CNTN2: variants seen among roughly 807,000 people sequenced by gnomAD.
The protein encoded by CNTN2 is contactin-2.
CNTN2 carries 53 observed loss-of-function variants against 117.5 expected under a neutral mutation model. The observed-to-expected ratio is 0.45, with a 90% CI of 0.36 to 0.57. The LOEUF (loss-of-function observed/expected upper bound fraction) is 0.57, where lower values mean the gene tolerates loss of function less well. Ranked by LOEUF, CNTN2 falls within the 20% of genes least tolerant of loss-of-function variation. The pLI, the probability that CNTN2 is intolerant of heterozygous loss-of-function variation, is 0.00. For synonymous variants in CNTN2, 530 were observed against 561.7 expected (o/e 0.94, Z 0.80); for missense variants, 1,106 against 1,404.3 (o/e 0.79, Z 3.39).
Position 205,069,858 on chromosome 1 carries a change from G to A in CNTN2, c.2228G>A (p.Gly743Asp), listed in dbSNP as rs746291684. The A allele has an allele frequency of 6.2e-7, 1 of 1,613,772 alleles. No individual in the cohort carries two copies. The highest frequency in any genetic ancestry group is 2.2e-5 in the East Asian group (1 of 44,868). ...PMSREYQNGD[G>D]FGYLLSFRRQ... Reference sequence around the variant, plus strand: ...TCACGGGAGTACCAGAACGGAGACGGCTTCGGCTACCTGCTGTCCTTCCGC... The same window carrying A: ...TCACGGGAGTACCAGAACGGAGACGACTTCGGCTACCTGCTGTCCTTCCGC... The change falls in exon 18 of 23, where the codon GGC becomes GAC. Residue 743 changes from glycine to aspartate, a missense_variant. Gly to Asp is a moderately conservative substitution (Grantham distance 94). Transcript: ENST00000331830.
At chr1:205,062,298 C>G in intron 9 of CNTN2, 142 bp from the exon 10 acceptor site, 1 of 1,213,760 alleles carries the variant, frequency 8.2e-7, no homozygotes, top group Non-Finnish European at 1.1e-6. Context: ...TTCCAGGCAG[C>G]CCTGAGGTAG....
At chr1:205,072,204 C>A in intron 20 of CNTN2, 71 bp downstream of exon 20, 1 of 1,418,576 alleles carries the variant, frequency 7.0e-7, no homozygotes, top group Non-Finnish European at 9.6e-7. Context: ...ATCATTCCTT[C>A]CCCAATGATA....
intron 1 of CNTN2, among the ~76,000 whole-genome samples, chr1:205,044,293 G>C (rs771945643): frequency 1.3e-5 from 2 of 152,170 alleles, no homozygotes; most frequent in Non-Finnish European, 2.9e-5. Flanking sequence ...GCCAGTGAGT[G>C]TCCAGAGCTG....
chr1:205,058,884 G>T lies in CNTN2; in HGVS notation c.488-200G>T. On this transcript the variant is annotated intron_variant, in intron 5 of 22. Coordinates refer to ENST00000331830, the MANE Select transcript of CNTN2 (RefSeq NM_005076.5). This position sits in a 1 kb window ranked among gnomAD's most constrained non-coding sequence, Gnocchi z 4.3. ...TCAAACTGGGTGGCCCCTGAGGGCT[G>T]CGATCCCTGGCAGACTTAGCGCTCC... is the stretch of plus-strand genomic sequence containing the variant. 1.5e-6 allele frequency: 1 copy of T among 674,276 alleles called. No individual in the cohort carries two copies. Among genetic ancestry groups the T allele is most frequent in the Non-Finnish European group, 2.5e-6 (1 of 400,922 alleles). 41.8% of individuals were successfully genotyped at this position (674,276 alleles called of 1,614,324 possible).
intron 16 of CNTN2, 35 bp from the exon 17 acceptor site, chr1:205,069,456 A>C: frequency 6.2e-7 from 1 of 1,607,904 alleles, no homozygotes; most frequent in Non-Finnish European, 8.5e-7. Flanking sequence ...CTTGCTCATT[A>C]ACAAGCCATA....
Position 205,059,752 on chromosome 1 carries a change from A to T in CNTN2, c.797+70A>T. The T allele has an allele frequency of 2.3e-6, 3 of 1,296,124 alleles. No individual in the cohort carries two copies. The highest frequency in any genetic ancestry group is 2.2e-6 in the Non-Finnish European group (2 of 899,816). The allele number at this position is 1,296,124 out of a possible 1,614,324, so 80.3% of individuals were successfully genotyped here. On this transcript the variant is annotated intron_variant, in intron 7 of 22. Transcript: ENST00000331830. The surrounding 1 kb of genome is among the most constrained non-coding windows in gnomAD (Gnocchi z 5.6). ...GCACAGGTGACCCCAGGGTGAGGGC[A>T]GGCAGAGTCAGGGCTCTTATCTTGG...
intron 1 of CNTN2, among the ~76,000 whole-genome samples, chr1:205,050,826 C>G (rs1008657670): frequency 2.0e-5 from 3 of 152,170 alleles, no homozygotes; most frequent in African/African-American, 7.2e-5. Flanking sequence ...ACCATGTTGG[C>G]CAGGCTGATC....
chr1:205,071,757 A>G (rs573244230), intron 19 of CNTN2, among the ~76,000 whole-genome samples, 190 bp from the exon 20 acceptor site: 41 of 152,092 alleles, frequency 2.7e-4, no homozygotes, highest in Non-Finnish European at 5.0e-4. Flanking sequence ...CTACGCACCA[A>G]CAGACAGCAG....
rs1166716922 is a variant in CNTN2 at position 205,049,299 on chromosome 1, C to CAT, written c.-86-3800_-86-3799insTA. On this transcript the variant is annotated intron_variant, in intron 1 of 22. Coordinates refer to ENST00000331830, the MANE Select transcript of CNTN2 (RefSeq NM_005076.5). ...CACACCCGACACACACACACACACA[C>CAT]ACACACACACACACACACACACACA... Among the ~76,000 whole-genome samples, 3 of 145,458 alleles carry CAT rather than the reference C, an allele frequency of 2.1e-5. No individual in the cohort carries two copies. In the East Asian group the frequency reaches 6.4e-4, roughly 31 times the overall value.
intron 1 of CNTN2, among the ~76,000 whole-genome samples, chr1:205,051,314 A>G (rs182530905): frequency 2.6e-4 from 40 of 152,286 alleles, no homozygotes; most frequent in Admixed American, 1.6e-3. Flanking sequence ...AGTGAATTGA[A>G]TTTTTTGCGT....
intron 1 of CNTN2, 93 bp from the exon 2 acceptor site, chr1:205,053,007 A>G (rs1289828184): frequency 8.8e-6 from 4 of 456,882 alleles, no homozygotes; most frequent in Non-Finnish European, 1.6e-5. Context: ...GCAGCTCCCC[A>G]GGCCGAGGTA....
intron 19 of CNTN2, 31 bp from the exon 20 acceptor site, chr1:205,071,916 A>T: frequency 6.3e-7 from 1 of 1,588,304 alleles, no homozygotes; most frequent in Non-Finnish European, 8.6e-7. Flanking sequence ...GGGCTTGACT[A>T]CTACCCCTTG....
Position 205,074,254 on chromosome 1 carries a change from T to C in CNTN2, c.*489T>C, listed in dbSNP as rs1654750416. The C allele has an allele frequency of 4.9e-6, 2 of 406,474 alleles. No homozygotes were observed. Among genetic ancestry groups the C allele is most frequent in the Middle Eastern group, 6.2e-4 (1 of 1,616 alleles). The allele number at this position is 406,474 out of a possible 1,614,324, so 25.2% of individuals were successfully genotyped here. ...AAGGGCAAGCCCTGGGACCAAGAGC[T>C]CTCCCGCCTTCTCCCTCGAGCAGCA... On this transcript the variant is annotated 3_prime_UTR_variant, in exon 23 of 23. Transcript: ENST00000331830.
At position 205,048,048 on chromosome 1, in the gene CNTN2, G is replaced by T. The variant is rs1428799300; in HGVS notation, c.-87+4654G>T. Among the ~76,000 whole-genome samples the T allele has an allele frequency of 1.3e-5, 2 of 152,212 alleles. No individual in the cohort carries two copies. The highest frequency in any genetic ancestry group is 2.9e-5 in the Non-Finnish European group (2 of 68,024). On this transcript the variant is annotated intron_variant, in intron 1 of 22. Coordinates refer to ENST00000331830, the MANE Select transcript of CNTN2 (RefSeq NM_005076.5). This position sits in a 1 kb window ranked among gnomAD's most constrained non-coding sequence, Gnocchi z 4.1. ...CAGTGTGCTGTTTTATAGGATAGAG[G>T]TCAAGCGGGGGCCTGAAGGGCTCCT... is the stretch of plus-strand genomic sequence containing the variant.
rs201600070 is a variant in CNTN2 at position 205,058,683 on chromosome 1, C to A, written c.487+20C>A. On this transcript the variant is annotated intron_variant, in intron 5 of 22. Coordinates refer to ENST00000331830, the MANE Select transcript of CNTN2 (RefSeq NM_005076.5). The surrounding 1 kb of genome is among the most constrained non-coding windows in gnomAD (Gnocchi z 4.3). ...ACCCAGGTGAGTCCAGACCTGGGGC[C>A]AGGGTTAGAGAGGGCACAGGAAGGG... is the stretch of plus-strand genomic sequence containing the variant. 786 of 1,596,858 alleles carry A rather than the reference C, an allele frequency of 4.9e-4. No individual in the cohort carries two copies. The highest frequency in any genetic ancestry group is 6.5e-4 in the Non-Finnish European group (764 of 1,166,412).
intron 2 of CNTN2, chr1:205,057,135 C>A (rs1653680146): frequency 6.6e-6 from 1 of 152,306 alleles, no homozygotes; most frequent in Admixed American, 6.5e-5. Context: ...TGCCCGCCAC[C>A]TTCCAAGGGT....
chr1:205,049,971 C>T (rs12039082), intron 1 of CNTN2, among the ~76,000 whole-genome samples: 33,373 of 152,048 alleles, frequency 0.22, 4,583 homozygotes, highest in East Asian at 0.64. Flanking sequence ...TTCACAGCAG[C>T]TTGAAAACCA....
intron 7 of CNTN2, chr1:205,060,046 C>T (rs563224954): frequency 3.9e-6 from 1 of 258,002 alleles, no homozygotes; most frequent in African/African-American, 2.2e-5. Context: ...AACTGCCTAA[C>T]CTCTCTGTGC....
chr1:205,053,827 G>A (rs1190202028), intron 2 of CNTN2, among the ~76,000 whole-genome samples: 1 of 152,228 alleles, frequency 6.6e-6, no homozygotes, highest in Non-Finnish European at 1.5e-5. Flanking sequence ...TTAAGGCAAC[G>A]CTGCATCCCA....
Sources: gnomAD v4.1 joint callset for allele counts (sites outside exome capture counted in the v4.1 genomes callset) on GRCh38, gnomAD v4.1.1 for gene constraint, Gnocchi (gnomAD v3.1) non-coding constraint, MANE v1.5 for transcripts, NCBI Gene and HGNC (gene_info 2026-07-23, HGNC 2026-07-21) for gene names.